Variants in KMT2C observed in about 807,000 individuals in gnomAD.
KMT2C encodes histone-lysine N-methyltransferase 2C.
KMT2C carries 88 observed loss-of-function variants against 507.9 expected under a neutral mutation model. The observed-to-expected ratio is 0.17, with a 90% CI of 0.15 to 0.21. The LOEUF (loss-of-function observed/expected upper bound fraction) is 0.21, where lower values mean the gene tolerates loss of function less well. Ranked by LOEUF, KMT2C falls within the 10% of genes least tolerant of loss-of-function variation. KMT2C has a pLI of 1.00. For missense variants in KMT2C, 4,954 were observed against 5,957.8 expected (o/e 0.83, Z 5.55); for synonymous variants, 2,049 against 2,080.8 (o/e 0.98, Z 0.42).
At chr7:152,156,825 A>C (rs2092081912) in intron 44 of KMT2C, among the ~76,000 whole-genome samples, 1 of 152,182 alleles carries the variant, frequency 6.6e-6, no homozygotes, top group African/African-American at 2.4e-5. Flanking sequence ...TGGATTGACT[A>C]AGACCTTTAA....
rs2090882950 is a variant in KMT2C, at chr7:152,144,213, G to A, written c.14343+500C>T. ...GATATTTGGGTCTGCAGCTCAGGAA[G>A]TATGGACTATAGGTGTAAACTTAAA... is the stretch of plus-strand genomic sequence containing the variant. On this transcript the variant is annotated intron_variant, in intron 55 of 58. Transcript: ENST00000262189. The surrounding 1 kb of genome is among the most constrained non-coding windows in gnomAD (Gnocchi z 4.4). Among the ~76,000 whole-genome samples the A allele has an allele frequency of 6.6e-6, 1 of 152,204 alleles. No homozygotes were observed. The highest frequency in any genetic ancestry group is 1.5e-5 in the Non-Finnish European group (1 of 68,026).
chr7:152,365,813 T>C (rs1359262963), intron 1 of KMT2C, among the ~76,000 whole-genome samples: 3 of 152,234 alleles, frequency 2.0e-5, no homozygotes, highest in Admixed American at 2.0e-4. Flanking sequence ...AGACAGAATA[T>C]AATTAGGTCT....
chr7:152,160,626 T>TA (rs1376132918), intron 43 of KMT2C, among the ~76,000 whole-genome samples: 39 of 147,500 alleles, frequency 2.6e-4, no homozygotes, highest in African/African-American at 8.6e-4. Flanking sequence ...TATATATATA[T>TA]TTATATATTT....
intron 9 of KMT2C, among the ~76,000 whole-genome samples, chr7:152,255,051 A>C (rs2095622149): frequency 6.8e-6 from 1 of 146,896 alleles, no homozygotes; most frequent in African/African-American, 2.5e-5. Flanking sequence ...AAACTTGTAA[A>C]GACATCCCTT....
intron 3 of KMT2C, among the ~76,000 whole-genome samples, chr7:152,316,270 T>C (rs979258784): frequency 4.6e-5 from 7 of 152,178 alleles, no homozygotes; most frequent in Admixed American, 2.6e-4. Context: ...TGGACTGTAG[T>C]TAAAAATAAT....
chr7:152,167,317 C>G lies in KMT2C; in HGVS notation c.9579G>C (p.Met3193Ile). 1.2e-6 allele frequency: 2 copies of G among 1,613,982 alleles called. No homozygotes were observed. Among genetic ancestry groups the G allele is most frequent in the East Asian group, 4.5e-5 (2 of 44,880 alleles). Residue 3193 changes from methionine to isoleucine, a missense_variant, in exon 42 of 59, where the codon ATG becomes ATC. This residue lies in a region of KMT2C where 71 missense variants were observed against 139.2 expected (regional missense o/e 0.51). Coordinates refer to ENST00000262189, the MANE Select transcript of KMT2C (RefSeq NM_170606.3). ...TTTGTTCTTCAAGATACTTCTGCTGCATTTGAAGCAGCTGTTGGGTCTCCT... is the reference window on the plus strand; with the variant it reads ...TTTGTTCTTCAAGATACTTCTGCTGGATTTGAAGCAGCTGTTGGGTCTCCT... ...WLQETQQLLQ[M>I]QQKYLEEQIG... is the part of the protein sequence containing the mutation.
intron 14 of KMT2C, among the ~76,000 whole-genome samples, chr7:152,244,379 T>A (rs1483109155): frequency 6.6e-6 from 1 of 151,988 alleles, no homozygotes; most frequent in Non-Finnish European, 1.5e-5. Context: ...CATACACCTA[T>A]AAAAATGCTG....
intron 44 of KMT2C, chr7:152,157,704 A>G (rs536564816): frequency 1.9e-6 from 2 of 1,029,986 alleles, no homozygotes; most frequent in African/African-American, 3.5e-5. Flanking sequence ...AAGCTCTATC[A>G]ATTCTGACAT....
At chr7:152,156,414 A>G in intron 44 of KMT2C, 68 bp from the exon 45 acceptor site, 2 of 1,564,692 alleles carry the variant, frequency 1.3e-6, no homozygotes. Flanking sequence ...GCTAAAACGT[A>G]GTTCTGTGAA....
chr7:152,137,284 T>G (rs986525883), intron 58 of KMT2C: 1 of 182,920 alleles, frequency 5.5e-6, no homozygotes, highest in African/African-American at 2.4e-5. Flanking sequence ...TCACCTCCCC[T>G]GATTTACTGA....
At chr7:152,389,579 C>G (rs1169740461) in intron 1 of KMT2C, among the ~76,000 whole-genome samples, 1 of 148,026 alleles carries the variant, frequency 6.8e-6, no homozygotes, top group Non-Finnish European at 1.5e-5. Flanking sequence ...GTAGCTGGGA[C>G]TACAGGCATG....
At chr7:152,349,549 A>G (rs1390235787) in intron 2 of KMT2C, among the ~76,000 whole-genome samples, 1 of 152,190 alleles carries the variant, frequency 6.6e-6, no homozygotes, top group Non-Finnish European at 1.5e-5. Flanking sequence ...TACATATCCT[A>G]TATGATTCAA....
chr7:152,172,680 C>T (rs1342751272), intron 39 of KMT2C, among the ~76,000 whole-genome samples: 3 of 152,094 alleles, frequency 2.0e-5, no homozygotes. Context: ...AGCGAAACTC[C>T]GTCTCAGAAA....
chr7:152,146,674 C>G lies in KMT2C; in HGVS notation c.13956G>C (p.Gln4652His), dbSNP rs2129094059. Residue 4652 changes from glutamine (Q) to histidine (H), a missense_variant, in exon 53 of 59, where the codon CAG becomes CAC. By Grantham distance (24) the Gln-to-His change is conservative (BLOSUM62 0). Around this residue, in one of 29 missense-constraint regions of KMT2C, gnomAD observed 221 missense variants for 304.7 expected, o/e 0.73. Coordinates refer to ENST00000262189, the MANE Select transcript of KMT2C (RefSeq NM_170606.3). ...CTCCTTTTAAATACGCTGGGAAAAG[C>G]TGGAGCATTTCAGACTTTTTTCTCA... The part of the protein sequence containing the change: ...ACVRKKSEML[Q>H]LFPAYLKGED... 6.2e-7 allele frequency: 1 copy of G among 1,614,120 alleles called. No individual in the cohort carries two copies. The highest frequency in any genetic ancestry group is 8.5e-7 in the Non-Finnish European group (1 of 1,179,978).
intron 9 of KMT2C, among the ~76,000 whole-genome samples, chr7:152,255,830 C>T (rs945138313): frequency 5.3e-5 from 8 of 152,156 alleles, no homozygotes; most frequent in Non-Finnish European, 1.0e-4. Context: ...TCACATCATA[C>T]ACAAACATCA....
chr7:152,215,326 A>C (rs1435527696), intron 23 of KMT2C, among the ~76,000 whole-genome samples: 1 of 151,690 alleles, frequency 6.6e-6, no homozygotes, highest in East Asian at 1.9e-4. Context: ...AACCTGGCTA[A>C]CATGGTGAAA....
chr7:152,402,065 G>A (rs1564126798), intron 1 of KMT2C, among the ~76,000 whole-genome samples: 1 of 151,968 alleles, frequency 6.6e-6, no homozygotes, highest in South Asian at 2.1e-4. Flanking sequence ...AGCCGAGATC[G>A]CGCCATTGCA....
chr7:152,379,128 C>CT (rs1255536759), intron 1 of KMT2C, among the ~76,000 whole-genome samples: 3 of 152,154 alleles, frequency 2.0e-5, no homozygotes, highest in African/African-American at 7.2e-5. Flanking sequence ...ACCACTGAAA[C>CT]TTTTTTCAAT....
intron 51 of KMT2C, 98 bp from the exon 52 acceptor site, chr7:152,149,250 G>C (rs963625136): frequency 8.4e-7 from 1 of 1,190,122 alleles, no homozygotes; most frequent in Non-Finnish European, 1.1e-6. Context: ...GACTGAAGAG[G>C]ATGGGTGACC....
Sources: allele counts gnomAD v4.1 joint callset (sites outside exome capture counted in the v4.1 genomes callset), GRCh38; gene constraint gnomAD v4.1.1; regional missense constraint gnomAD v4.1.1; non-coding constraint Gnocchi (gnomAD v3.1); transcripts MANE v1.5; gene names NCBI Gene and HGNC (gene_info 2026-07-23, HGNC 2026-07-21).